Variants in FUT9 observed in about 807,000 individuals in gnomAD.
FUT9 encodes the protein fucosyltransferase 9.
A neutral mutation model predicts 29.7 loss-of-function variants in FUT9; 15 were observed. That is an observed-to-expected ratio of 0.51 (90% CI 0.34 to 0.78). The LOEUF is 0.78. Among genes scored for constraint, FUT9 ranks in the 30% least tolerant of loss-of-function variants. The pLI is 0.01. For missense variants in FUT9, 319 were observed against 425.4 expected (o/e 0.75, Z 2.20); for synonymous variants, 169 against 153.7 (o/e 1.10, Z -0.74).
At chr6:96,093,763 A>G (rs1045107539) in intron 1 of FUT9, among the ~76,000 whole-genome samples, 2 of 152,122 alleles carry the variant, frequency 1.3e-5, no homozygotes, top group African/African-American at 4.8e-5. Flanking sequence ...AAATATTACC[A>G]AGAACCTTAC....
chr6:96,185,862 G>C (rs1773397016), intron 2 of FUT9, among the ~76,000 whole-genome samples: 1 of 152,058 alleles, frequency 6.6e-6, no homozygotes, highest in Non-Finnish European at 1.5e-5. Context: ...AATGAAATCA[G>C]AGCAAAATAT....
chr6:96,096,597 C>T (rs1771500011), intron 1 of FUT9, among the ~76,000 whole-genome samples: 1 of 151,746 alleles, frequency 6.6e-6, no homozygotes, highest in South Asian at 2.1e-4. Flanking sequence ...CTGGTCCCCT[C>T]ACAGGTCCTG....
chr6:96,031,400 A>C (rs1770258158), intron 1 of FUT9, among the ~76,000 whole-genome samples: 1 of 151,510 alleles, frequency 6.6e-6, no homozygotes, highest in Non-Finnish European at 1.5e-5. Context: ...TAGATAAAAA[A>C]AACTATAATT....
chr6:96,078,408 C>A (rs190342475), intron 1 of FUT9, among the ~76,000 whole-genome samples: 162 of 44,190 alleles, frequency 3.7e-3, no homozygotes, highest in South Asian at 0.019. Flanking sequence ...TATTAGTCTT[C>A]TTTTTTTTTT....
intron 1 of FUT9, among the ~76,000 whole-genome samples, chr6:96,098,487 A>G (rs539651156): frequency 1.1e-4 from 16 of 152,140 alleles, no homozygotes; most frequent in Non-Finnish European, 2.4e-4. Flanking sequence ...CTATTGCCCT[A>G]GTGGACTTTT....
At chr6:96,074,110 A>G (rs1017121523) in intron 1 of FUT9, among the ~76,000 whole-genome samples, 1 of 152,214 alleles carries the variant, frequency 6.6e-6, no homozygotes, top group Non-Finnish European at 1.5e-5. Flanking sequence ...TTATTTTATT[A>G]TCTCACCGAA....
chr6:96,061,392 T>C (rs997604762), intron 1 of FUT9, among the ~76,000 whole-genome samples: 1 of 150,832 alleles, frequency 6.6e-6, no homozygotes, highest in African/African-American at 2.4e-5. Context: ...CTCTTCTTTA[T>C]TTGTTTTTAG....
chr6:96,024,549 T>C (rs1239548449), intron 1 of FUT9, among the ~76,000 whole-genome samples: 4 of 151,772 alleles, frequency 2.6e-5, no homozygotes, highest in Non-Finnish European at 5.9e-5. Flanking sequence ...TAGCCACAGA[T>C]ACATTGCTGT....
At chr6:96,018,964 G>A (rs772714793) in intron 1 of FUT9, among the ~76,000 whole-genome samples, 30 of 151,676 alleles carry the variant, frequency 2.0e-4, no homozygotes, top group Non-Finnish European at 3.8e-4. Context: ...CTAAATAAAA[G>A]TTCTATTATT....
intron 2 of FUT9, among the ~76,000 whole-genome samples, chr6:96,168,724 A>C (rs1434964995): frequency 6.6e-6 from 1 of 152,238 alleles, no homozygotes; most frequent in Non-Finnish European, 1.5e-5. Flanking sequence ...AGAGTAAATC[A>C]GTAGATGGCA....
chr6:96,049,437 A>T (rs1048397543), intron 1 of FUT9, among the ~76,000 whole-genome samples: 3 of 152,244 alleles, frequency 2.0e-5, no homozygotes, highest in Non-Finnish European at 4.4e-5. Context: ...CTAATAAAGG[A>T]AGTATATCTT....
intron 2 of FUT9, among the ~76,000 whole-genome samples, chr6:96,197,461 C>T (rs1425581024): frequency 6.6e-6 from 1 of 152,058 alleles, no homozygotes; most frequent in African/African-American, 2.4e-5. Context: ...TGGCATTTCT[C>T]CCAAATTCAC....
intron 1 of FUT9, among the ~76,000 whole-genome samples, chr6:96,069,876 C>T (rs1213538603): frequency 2.6e-5 from 4 of 151,902 alleles, no homozygotes; most frequent in Non-Finnish European, 1.5e-5. Context: ...CGTAACTTAC[C>T]CTCCTCGGCC....
chr6:96,157,977 A>T (rs1265116671), intron 2 of FUT9, among the ~76,000 whole-genome samples: 3 of 152,150 alleles, frequency 2.0e-5, no homozygotes, highest in Non-Finnish European at 4.4e-5. Context: ...TTACTTGTAA[A>T]TATCAATTAT....
At chr6:96,123,455 G>C (rs1451194771) in intron 2 of FUT9, among the ~76,000 whole-genome samples, 2 of 152,202 alleles carry the variant, frequency 1.3e-5, no homozygotes, top group Non-Finnish European at 2.9e-5. Flanking sequence ...TTCCAGAGGC[G>C]TAAGTGTATT....
At chr6:96,070,822 A>G (rs920844543) in intron 1 of FUT9, among the ~76,000 whole-genome samples, 15 of 152,218 alleles carry the variant, frequency 9.9e-5, no homozygotes, top group African/African-American at 3.4e-4. Flanking sequence ...ATGTATATGT[A>G]TAATATATCC....
intron 2 of FUT9, among the ~76,000 whole-genome samples, chr6:96,191,198 A>C (rs2127988720): frequency 6.6e-6 from 1 of 152,182 alleles, no homozygotes; most frequent in South Asian, 2.1e-4. Flanking sequence ...TCAGCAGTGG[A>C]AGCTCTCAGA....
intron 1 of FUT9, among the ~76,000 whole-genome samples, chr6:96,104,685 C>T (rs573322089): frequency 6.6e-6 from 1 of 152,256 alleles, no homozygotes; most frequent in East Asian, 1.9e-4. Context: ...CGCCTGCCAT[C>T]ACGCCCGGCA....
At chr6:96,171,392 G>C (rs745536436) in intron 2 of FUT9, among the ~76,000 whole-genome samples, 3 of 152,196 alleles carry the variant, frequency 2.0e-5, no homozygotes, top group Non-Finnish European at 2.9e-5. Context: ...AAAAGGCACT[G>C]TTGGGTTCCA....
Sources: allele counts gnomAD v4.1 joint callset (sites outside exome capture counted in the v4.1 genomes callset), GRCh38; gene constraint gnomAD v4.1.1; transcripts MANE v1.5; gene names NCBI Gene and HGNC (gene_info 2026-07-23, HGNC 2026-07-21).